EXT1: variants seen among roughly 807,000 people sequenced by gnomAD.
EXT1 encodes exostosin glycosyltransferase 1, also known as exostosin-1.
Under a neutral mutation model 82.5 loss-of-function variants are expected in EXT1, and 20 were observed. The ratio of observed to expected loss-of-function variants is 0.24; its 90% confidence interval spans 0.17 to 0.35. EXT1 has a LOEUF of 0.35. EXT1 is among the 10% of genes least tolerant of loss of function. The pLI, the probability that EXT1 is intolerant of heterozygous loss-of-function variation, is 1.00. For missense variants in EXT1, 757 were observed against 936.5 expected (o/e 0.81, Z 2.50); for synonymous variants, 348 against 350.8 (o/e 0.99, Z 0.09).
At position 117,898,823 on chromosome 8, in the gene EXT1, G is replaced by GAA. The variant is rs60372493; in HGVS notation, c.963-61624_963-61623dup. Among the ~76,000 whole-genome samples the GAA allele has an allele frequency of 1.8e-3, 249 of 141,564 alleles. 2 individuals are homozygous for GAA. Among genetic ancestry groups the GAA allele is most frequent in the African/African-American group, 6.0e-3 (235 of 39,324 alleles). The allele number at this position is 141,564 out of a possible 152,430, so 92.9% of individuals were successfully genotyped here. ...ATTACCTACTAAACCCAGACGGCAG[G>GAA]AAAAAAAAAAAAATGAATGAACACA... On this transcript the variant is annotated intron_variant, in intron 1 of 10. Transcript: ENST00000378204.
chr8:118,096,536 G>C (rs1817613019), intron 1 of EXT1, among the ~76,000 whole-genome samples: 2 of 151,698 alleles, frequency 1.3e-5, no homozygotes, highest in Admixed American at 1.3e-4. Context: ...GGGAGTGGAA[G>C]GTTACAGTGA....
At chr8:117,874,300 G>A (rs1812927794) in intron 1 of EXT1, among the ~76,000 whole-genome samples, 1 of 151,944 alleles carries the variant, frequency 6.6e-6, no homozygotes, top group Non-Finnish European at 1.5e-5. Context: ...GAACAATCCT[G>A]GCCGGACGTG....
At chr8:118,048,201 A>G (rs976891400) in intron 1 of EXT1, among the ~76,000 whole-genome samples, 19 of 152,202 alleles carry the variant, frequency 1.2e-4, no homozygotes, top group Non-Finnish European at 7.3e-5. Context: ...GAGGGCAAGA[A>G]GAGAGAAACC....
intron 1 of EXT1, among the ~76,000 whole-genome samples, chr8:117,991,238 GTAGCTGGGAC>G (rs1455997854): frequency 1.3e-5 from 2 of 151,938 alleles, no homozygotes; most frequent in African/African-American, 4.8e-5. Flanking sequence ...AGCCTCCCAA[GTAGCTGGGAC>G]TACAGGTGCA....
intron 1 of EXT1, among the ~76,000 whole-genome samples, chr8:117,927,998 T>A (rs747071307): frequency 6.6e-6 from 1 of 152,236 alleles, no homozygotes; most frequent in Admixed American, 6.5e-5. Context: ...GAATAGTGAA[T>A]GTTATTTGTC....
intron 1 of EXT1, among the ~76,000 whole-genome samples, chr8:117,988,865 TA>T (rs1815376473): frequency 6.6e-6 from 1 of 151,990 alleles, no homozygotes; most frequent in Non-Finnish European, 1.5e-5. Context: ...AGAGACAGTC[TA>T]GGGGGCTCTC....
chr8:118,005,414 A>G (rs909089257), intron 1 of EXT1, among the ~76,000 whole-genome samples: 1 of 152,218 alleles, frequency 6.6e-6, no homozygotes. Flanking sequence ...AATGATTAAA[A>G]ACAGCAAAAC....
intron 1 of EXT1, among the ~76,000 whole-genome samples, chr8:118,104,817 T>C (rs183734865): frequency 2.0e-5 from 3 of 152,222 alleles, no homozygotes; most frequent in African/African-American, 7.2e-5. Flanking sequence ...ATTAACCTCA[T>C]GGAAACATAA....
intron 4 of EXT1, among the ~76,000 whole-genome samples, chr8:117,828,312 T>C (rs1812041032): frequency 6.6e-6 from 1 of 152,050 alleles, no homozygotes; most frequent in East Asian, 1.9e-4. Context: ...CCAATTTGGG[T>C]AGTCGAGGCA....
At chr8:118,065,232 T>C (rs191888639) in intron 1 of EXT1, among the ~76,000 whole-genome samples, 2 of 152,168 alleles carry the variant, frequency 1.3e-5, no homozygotes, top group African/African-American at 2.4e-5. Context: ...ATTTCTCTAA[T>C]GACCCATGAT....
At chr8:118,003,441 T>C (rs780632143) in intron 1 of EXT1, among the ~76,000 whole-genome samples, 5 of 152,160 alleles carry the variant, frequency 3.3e-5, no homozygotes, top group Admixed American at 2.0e-4. Context: ...ATTTTTCTAA[T>C]TCCTGGCACC....
At chr8:117,909,603 GC>G (rs1290775609) in intron 1 of EXT1, among the ~76,000 whole-genome samples, 1 of 152,082 alleles carries the variant, frequency 6.6e-6, no homozygotes, top group East Asian at 1.9e-4. Flanking sequence ...GAGAAGGAGG[GC>G]CCGACATGGA....
chr8:118,003,638 T>C (rs1815719090), intron 1 of EXT1, among the ~76,000 whole-genome samples: 1 of 152,210 alleles, frequency 6.6e-6, no homozygotes, highest in African/African-American at 2.4e-5. Context: ...ATTTCATTGC[T>C]ATACAATTTT....
intron 1 of EXT1, among the ~76,000 whole-genome samples, chr8:117,970,804 T>C (rs1412285870): frequency 6.6e-6 from 1 of 152,194 alleles, no homozygotes; most frequent in Non-Finnish European, 1.5e-5. Context: ...GGAGAGCACA[T>C]GTGCTGGATG....
intron 1 of EXT1, among the ~76,000 whole-genome samples, chr8:117,959,248 T>G (rs1434558828): frequency 1.3e-5 from 2 of 152,168 alleles, no homozygotes; most frequent in East Asian, 3.9e-4. Flanking sequence ...AGAACTCTCC[T>G]GCCTAGCACC....
At chr8:118,083,171 T>A (rs1434980322) in intron 1 of EXT1, among the ~76,000 whole-genome samples, 1 of 152,210 alleles carries the variant, frequency 6.6e-6, no homozygotes, top group African/African-American at 2.4e-5. Flanking sequence ...TAATGATACT[T>A]TTAGCTAAAC....
At chr8:117,833,095 C>G (rs58975480) in intron 3 of EXT1, among the ~76,000 whole-genome samples, 2,919 of 152,190 alleles carry the variant, frequency 0.019, 98 homozygotes, top group African/African-American at 0.068. Flanking sequence ...AAACATTTCC[C>G]AGAGCAGACA....
intron 1 of EXT1, among the ~76,000 whole-genome samples, chr8:117,847,589 TG>T (rs1812383213): frequency 6.6e-6 from 1 of 152,190 alleles, no homozygotes; most frequent in Non-Finnish European, 1.5e-5. Context: ...AATAAAAAGC[TG>T]TAGAACCTCC....
At chr8:117,962,762 C>A (rs1165913276) in intron 1 of EXT1, among the ~76,000 whole-genome samples, 16 of 129,482 alleles carry the variant, frequency 1.2e-4, no homozygotes, top group African/African-American at 7.0e-4. Flanking sequence ...CCCCACACCC[C>A]CCACCCCCAA....
Sources: gnomAD v4.1 joint callset for allele counts (sites outside exome capture counted in the v4.1 genomes callset) on GRCh38, gnomAD v4.1.1 for gene constraint, MANE v1.5 for transcripts, NCBI Gene and HGNC (gene_info 2026-07-23, HGNC 2026-07-21) for gene names.